The following DHRS7B variants were observed in gnomAD, a reference collection of about 807,000 sequenced individuals.
The protein encoded by DHRS7B is peroxisomal reductase activating PPAR-gamma.
Under a neutral mutation model 26.4 loss-of-function variants are expected in DHRS7B, and 24 were observed. The observed-to-expected ratio is 0.91, with a 90% CI of 0.66 to 1.28. DHRS7B has a LOEUF of 1.28. Among genes scored for constraint, DHRS7B ranks in the 50% most tolerant of loss-of-function variants. DHRS7B has a pLI of 0.00. For missense variants in DHRS7B, 368 were observed against 419.4 expected, an observed-to-expected ratio of 0.88 and a Z score of 1.07; for synonymous variants, 142 against 166.4, an observed-to-expected ratio of 0.85 and a Z score of 1.13.
At chr17:21,127,564 G>A in intron 1 of DHRS7B, 1 of 153,018 alleles carries the variant, frequency 6.5e-6, no homozygotes, top group Non-Finnish European at 1.5e-5. Context: ...TGGCTGTGCG[G>A]CTTTGGGCAA....
chr17:21,175,000 C>T (rs1188324763), intron 2 of DHRS7B, among the ~76,000 whole-genome samples: 1 of 152,156 alleles, frequency 6.6e-6, no homozygotes, highest in African/African-American at 2.4e-5. Flanking sequence ...GGGCTTTTGC[C>T]CTTTGTTGGG....
At chr17:21,149,429 T>C (rs770012323) in intron 1 of DHRS7B, among the ~76,000 whole-genome samples, 2 of 152,154 alleles carry the variant, frequency 1.3e-5, no homozygotes, top group African/African-American at 2.4e-5. Context: ...TAAAACCCAC[T>C]GATAAAGTTA....
chr17:21,188,474 TAAA>T (rs887641705), intron 5 of DHRS7B, among the ~76,000 whole-genome samples: 1 of 152,166 alleles, frequency 6.6e-6, no homozygotes, highest in Non-Finnish European at 1.5e-5. Context: ...ACTGTAATCT[TAAA>T]TAATAAAACC....
chr17:21,188,664 C>T (rs1464982854), intron 5 of DHRS7B, 47 bp from the exon 6 acceptor site: 1 of 1,526,872 alleles, frequency 6.5e-7, no homozygotes, highest in Non-Finnish European at 8.8e-7. Flanking sequence ...CCAGGCCATG[C>T]CCACCCCAGC....
intron 2 of DHRS7B, 139 bp from the exon 3 acceptor site, chr17:21,178,094 C>T (rs1974423089): frequency 2.6e-6 from 2 of 777,724 alleles, no homozygotes; most frequent in Non-Finnish European, 4.2e-6. Flanking sequence ...CCCTAGCTCC[C>T]AGCTTCATGC....
chr17:21,137,460 A>ATT (rs996135932), intron 1 of DHRS7B, among the ~76,000 whole-genome samples: 6 of 132,892 alleles, frequency 4.5e-5, no homozygotes, highest in African/African-American at 1.4e-4. Context: ...CGCCTGGCTA[A>ATT]TTTTTTTTTT....
At chr17:21,173,230 C>T (rs1008510491) in intron 2 of DHRS7B, among the ~76,000 whole-genome samples, 3 of 152,248 alleles carry the variant, frequency 2.0e-5, no homozygotes, top group African/African-American at 7.2e-5. Flanking sequence ...AACATATGCT[C>T]TCAAACCAGC....
chr17:21,154,073 C>T (rs1597740118), intron 1 of DHRS7B, among the ~76,000 whole-genome samples: 2 of 152,120 alleles, frequency 1.3e-5, no homozygotes, highest in Non-Finnish European at 2.9e-5. Context: ...CTTTGGGAGG[C>T]TGAGGTGGGT....
intron 2 of DHRS7B, among the ~76,000 whole-genome samples, chr17:21,177,580 A>T (rs1974410607): frequency 6.6e-6 from 1 of 152,140 alleles, no homozygotes; most frequent in South Asian, 2.1e-4. Flanking sequence ...AGGCACCCTT[A>T]ATAGTCCTGC....
At chr17:21,170,625 G>T (rs543028075) in intron 1 of DHRS7B, among the ~76,000 whole-genome samples, 45 of 152,316 alleles carry the variant, frequency 3.0e-4, no homozygotes, top group African/African-American at 9.6e-4. Flanking sequence ...AAGAATTCAG[G>T]TGTATCTGGA....
chr17:21,141,640 A>AAAAACAAAG, intron 1 of DHRS7B, among the ~76,000 whole-genome samples: 1 of 90,078 alleles, frequency 1.1e-5, no homozygotes, highest in Non-Finnish European at 2.1e-5. Flanking sequence ...AAAAAAAAAA[A>AAAAACAAAG]CAACCTCATC....
At chr17:21,178,105 TG>T in intron 2 of DHRS7B, 127 bp from the exon 3 acceptor site, 1 of 839,424 alleles carries the variant, frequency 1.2e-6, no homozygotes, top group Non-Finnish European at 1.9e-6. Flanking sequence ...AGCTTCATGC[TG>T]GGCCACACAG....
intron 1 of DHRS7B, chr17:21,128,003 A>G (rs1973138486): frequency 6.6e-6 from 1 of 152,210 alleles, no homozygotes; most frequent in Non-Finnish European, 1.5e-5. Flanking sequence ...TGTTACAGGC[A>G]CTGTACTAAT....
Position 21,184,552 on chromosome 17 carries a change from A to G in DHRS7B, c.619+89A>G, listed in dbSNP as rs1199131142. 9 of 1,317,424 alleles carry G rather than the reference A, an allele frequency of 6.8e-6. No individual in the cohort carries two copies. The Admixed American group carries it at 1.5e-4, about 21-fold the overall frequency. 81.6% of individuals were successfully genotyped at this position (1,317,424 alleles called of 1,614,324 possible). A position where few individuals can be genotyped will look rare whatever the true frequency, so the allele number is the denominator to read the frequency against. The stretch of plus-strand genomic sequence containing the variant: ...CACATTTACTATCTAGAATTTAGAC[A>G]TTGTAGAAATAAACTATCCAGAATG... On this transcript the variant is annotated intron_variant, in intron 5 of 6. Coordinates refer to ENST00000395511, the MANE Select transcript of DHRS7B (RefSeq NM_015510.5).
At position 21,183,757 on chromosome 17, in the gene DHRS7B, T is replaced by C; in HGVS notation, c.473T>C (p.Val158Ala). 1 of 1,614,242 alleles carries C rather than the reference T, an allele frequency of 6.2e-7. No homozygotes were observed. Among genetic ancestry groups the C allele is most frequent in the Non-Finnish European group, 8.5e-7 (1 of 1,180,042 alleles). ...RGTIMDTTVDVDKRVMETNYF... is the reference protein window; with the variant it reads ...RGTIMDTTVDADKRVMETNYF... ...ACCATCATGGACACCACAGTGGATGTGGACAAGAGGGTCATGGAGACAAAC... is the reference window on the plus strand; with the variant it reads ...ACCATCATGGACACCACAGTGGATGCGGACAAGAGGGTCATGGAGACAAAC... Residue 158 changes from valine (V) to alanine (A), a missense_variant, in exon 4 of 7, where the codon GTG becomes GCG. Coordinates refer to ENST00000395511, the MANE Select transcript of DHRS7B (RefSeq NM_015510.5).
chr17:21,186,519 A>G (rs1430143684), intron 5 of DHRS7B, among the ~76,000 whole-genome samples: 4 of 152,202 alleles, frequency 2.6e-5, no homozygotes, highest in Non-Finnish European at 5.9e-5. Context: ...TGTGCCCCAA[A>G]CCAATGGAGC....
At chr17:21,189,769 G>T (rs911244226) in intron 6 of DHRS7B, among the ~76,000 whole-genome samples, 4 of 152,230 alleles carry the variant, frequency 2.6e-5, no homozygotes, top group Non-Finnish European at 4.4e-5. Context: ...TATCTCTGCG[G>T]CATTTAAAAA....
intron 1 of DHRS7B, among the ~76,000 whole-genome samples, chr17:21,133,365 T>G (rs911798792): frequency 6.6e-6 from 1 of 152,176 alleles, no homozygotes; most frequent in Non-Finnish European, 1.5e-5. Flanking sequence ...AATCAATATA[T>G]GTAAGAAGTA....
chr17:21,160,966 C>G (rs1465315149), intron 1 of DHRS7B, among the ~76,000 whole-genome samples: 1 of 152,140 alleles, frequency 6.6e-6, no homozygotes, highest in Non-Finnish European at 1.5e-5. Flanking sequence ...TCCGGAAAGG[C>G]TATGTACCAT....
Sources: gnomAD v4.1 joint callset for allele counts (sites outside exome capture counted in the v4.1 genomes callset) on GRCh38, gnomAD v4.1.1 for gene constraint, MANE v1.5 for transcripts, NCBI Gene and HGNC (gene_info 2026-07-23, HGNC 2026-07-21) for gene names.